HIP1: variants seen among roughly 807,000 people sequenced by gnomAD.
HIP1 encodes the protein huntingtin interacting protein 1, also known as huntingtin-interacting protein 1.
Under a neutral mutation model 147.6 loss-of-function variants are expected in HIP1, and 65 were observed. That is an observed-to-expected ratio of 0.44 (90% CI 0.36 to 0.54). The LOEUF (loss-of-function observed/expected upper bound fraction) is 0.54. Ranked by LOEUF, HIP1 falls within the 20% of genes least tolerant of loss-of-function variation. The pLI, the probability that HIP1 is intolerant of heterozygous loss-of-function variation, is 0.00. For missense variants in HIP1, 1,061 were observed against 1,299.6 expected (o/e 0.82, Z 2.82); for synonymous variants, 479 against 504.0 (o/e 0.95, Z 0.67).
chr7:75,610,831 C>T (rs1797405918), intron 1 of HIP1, among the ~76,000 whole-genome samples: 1 of 147,400 alleles, frequency 6.8e-6, no homozygotes, highest in South Asian at 2.1e-4. Flanking sequence ...GGTAAGATCC[C>T]ATCACTATTA....
intron 1 of HIP1, among the ~76,000 whole-genome samples, chr7:75,622,284 A>AG (rs1554507251): frequency 6.6e-6 from 1 of 152,070 alleles, no homozygotes; most frequent in East Asian, 1.9e-4. Flanking sequence ...CTCAAAAAAA[A>AG]AAAGAACAGG....
chr7:75,646,597 G>A (rs1798811440), intron 1 of HIP1, among the ~76,000 whole-genome samples: 1 of 152,218 alleles, frequency 6.6e-6, no homozygotes, highest in Admixed American at 6.5e-5. Context: ...GAGTAACCAC[G>A]ACCGGTCATC....
chr7:75,661,050 G>A (rs116590475), intron 1 of HIP1, among the ~76,000 whole-genome samples: 1,662 of 151,856 alleles, frequency 0.011, 30 homozygotes, highest in African/African-American at 0.038. Flanking sequence ...AGGCCGAGGC[G>A]GGAGGATCAC....
chr7:75,686,392 G>A (rs781843869), intron 1 of HIP1, among the ~76,000 whole-genome samples: 3 of 151,998 alleles, frequency 2.0e-5, no homozygotes, highest in East Asian at 1.9e-4. Context: ...TAATACACTC[G>A]GAATTTATTT....
intron 1 of HIP1, among the ~76,000 whole-genome samples, chr7:75,615,496 G>A (rs1797622359): frequency 6.6e-6 from 1 of 151,884 alleles, no homozygotes; most frequent in Admixed American, 6.6e-5. Flanking sequence ...AGGCTGCAGT[G>A]AGCTATGACT....
At chr7:75,544,444 C>CTT (rs1794462382) in intron 27 of HIP1, among the ~76,000 whole-genome samples, 1 of 150,974 alleles carries the variant, frequency 6.6e-6, no homozygotes, top group South Asian at 2.1e-4. Flanking sequence ...CTAACGTAGC[C>CTT]AAGTATTCTC....
chr7:75,723,861 C>T (rs782304459), intron 1 of HIP1, among the ~76,000 whole-genome samples: 21 of 152,048 alleles, frequency 1.4e-4, no homozygotes, highest in Non-Finnish European at 2.8e-4. Flanking sequence ...GCAATCCTCC[C>T]ACCTCAGCGT....
At chr7:75,553,379 C>A in intron 22 of HIP1, 74 bp downstream of exon 22, 2 of 1,534,972 alleles carry the variant, frequency 1.3e-6, no homozygotes, top group Non-Finnish European at 1.8e-6. Context: ...AGAACATCAC[C>A]GATTCCCTGG....
intron 4 of HIP1, among the ~76,000 whole-genome samples, chr7:75,590,419 G>A (rs1554500521): frequency 6.6e-6 from 1 of 151,718 alleles, no homozygotes; most frequent in Non-Finnish European, 1.5e-5. Context: ...TAGTAATGAG[G>A]AAAAAACAGA....
chr7:75,592,153 G>C (rs191939608), intron 3 of HIP1, 41 bp from the exon 4 acceptor site: 81 of 1,585,540 alleles, frequency 5.1e-5, no homozygotes, highest in Admixed American at 2.2e-4. Context: ...AATGGAGAAG[G>C]AAAGAAAGAC....
intron 1 of HIP1, among the ~76,000 whole-genome samples, chr7:75,656,075 C>T (rs1470112311): frequency 6.6e-6 from 1 of 151,868 alleles, no homozygotes; most frequent in Non-Finnish European, 1.5e-5. Flanking sequence ...GCCATGGTCG[C>T]GCCACTGCAC....
Position 75,592,518 on chromosome 7 carries a change from A to G in HIP1, c.185-4T>C, listed in dbSNP as rs781813199. Reference sequence around the variant, plus strand: ...TGGTGGGTGCCCAGTATGCACGGTGAGGGGGGGTTATGGAAAACAACGGAT... The same window carrying G: ...TGGTGGGTGCCCAGTATGCACGGTGGGGGGGGGTTATGGAAAACAACGGAT... On this transcript the variant is annotated splice_polypyrimidine_tract_variant and splice_region_variant and intron_variant, in intron 2 of 30. Coordinates refer to ENST00000336926, the MANE Select transcript of HIP1 (RefSeq NM_005338.7). The G allele has an allele frequency of 1.2e-6, 2 of 1,608,316 alleles. No homozygotes were observed. Among genetic ancestry groups the G allele is most frequent in the South Asian group, 2.2e-5 (2 of 90,832 alleles).
chr7:75,727,150 A>C (rs1801675174), intron 1 of HIP1, among the ~76,000 whole-genome samples: 1 of 151,540 alleles, frequency 6.6e-6, no homozygotes, highest in African/African-American at 2.4e-5. Context: ...TCACTGTGTC[A>C]CCCAGGCTGG....
At chr7:75,687,414 G>A (rs201102913) in intron 1 of HIP1, among the ~76,000 whole-genome samples, 195 of 152,180 alleles carry the variant, frequency 1.3e-3, no homozygotes, top group Admixed American at 2.8e-3. Context: ...CATCTGGGCC[G>A]GGCACGGTGG....
chr7:75,598,356 C>CA, intron 2 of HIP1, among the ~76,000 whole-genome samples: 2 of 150,646 alleles, frequency 1.3e-5, no homozygotes, highest in East Asian at 3.9e-4. Context: ...GAGAACATGC[C>CA]ACTGCCCTCC....
intron 1 of HIP1, among the ~76,000 whole-genome samples, chr7:75,643,054 T>A (rs1798698494): frequency 6.6e-6 from 1 of 152,184 alleles, no homozygotes; most frequent in Non-Finnish European, 1.5e-5. Flanking sequence ...GGTGGGCGTG[T>A]CTTGGTAGAG....
At position 75,542,983 on chromosome 7, in the gene HIP1, A is replaced by C; in HGVS notation, c.2767-9T>G. 1 of 1,610,954 alleles carries C rather than the reference A, an allele frequency of 6.2e-7. No individual in the cohort carries two copies. Among genetic ancestry groups the C allele is most frequent in the Non-Finnish European group, 8.5e-7 (1 of 1,178,420 alleles). On this transcript the variant is annotated splice_polypyrimidine_tract_variant and intron_variant, in intron 27 of 30. Coordinates refer to ENST00000336926, the MANE Select transcript of HIP1 (RefSeq NM_005338.7). Reference sequence around the variant, plus strand: ...TCCTTATCAGCTTTCACCTACCAGGACAAAGCAGATTTAGGTTCATACAAC... The same window carrying C: ...TCCTTATCAGCTTTCACCTACCAGGCCAAAGCAGATTTAGGTTCATACAAC...
At chr7:75,671,669 T>C (rs1460842120) in intron 1 of HIP1, among the ~76,000 whole-genome samples, 1 of 152,192 alleles carries the variant, frequency 6.6e-6, no homozygotes, top group Admixed American at 6.6e-5. Flanking sequence ...TACCATTTTA[T>C]ATTCCCTCCA....
At chr7:75,651,424 A>G (rs1359521029) in intron 1 of HIP1, among the ~76,000 whole-genome samples, 2 of 132,996 alleles carry the variant, frequency 1.5e-5, no homozygotes, top group East Asian at 2.5e-4. Context: ...GTGCCACTGC[A>G]TTCCAGCCTG....
Sources: gnomAD v4.1 joint callset for allele counts (sites outside exome capture counted in the v4.1 genomes callset) on GRCh38, gnomAD v4.1.1 for gene constraint, MANE v1.5 for transcripts, NCBI Gene and HGNC (gene_info 2026-07-23, HGNC 2026-07-21) for gene names.